The following TRPC5 variants were observed in gnomAD, a reference collection of about 807,000 sequenced individuals.
The protein encoded by TRPC5 is short transient receptor potential channel 5.
TRPC5 carries 9 observed loss-of-function variants against 56.5 expected under a neutral mutation model. That is an observed-to-expected ratio of 0.16 (90% CI 0.10 to 0.28). The LOEUF is 0.28. TRPC5 is among the 10% of genes least tolerant of loss of function. The pLI is 1.00. For missense variants in TRPC5, 469 were observed against 748.9 expected (o/e 0.63, Z 4.36); for synonymous variants, 282 against 278.5 (o/e 1.01, Z -0.13).
intron 3 of TRPC5, among the ~76,000 whole-genome samples, chrX:111,855,873 GGA>G (rs928331948): frequency 8.9e-6 from 1 of 112,081 alleles, no homozygotes; most frequent in Non-Finnish European, 1.9e-5. Flanking sequence ...AAGCACAAAA[GGA>G]GAGTTATACA....
At chrX:111,956,740 G>T (rs1927245914) in intron 1 of TRPC5, among the ~76,000 whole-genome samples, 1 of 111,281 alleles carries the variant, frequency 9.0e-6, no homozygotes, top group East Asian at 2.8e-4. Context: ...TGAACCTCCT[G>T]CAAAGAACTC....
intron 1 of TRPC5, among the ~76,000 whole-genome samples, chrX:111,954,846 G>T (rs1469603370): frequency 9.0e-6 from 1 of 111,553 alleles, no homozygotes. Context: ...TAACTCAATC[G>T]GTGTCCTATT....
At chrX:111,787,059 A>G (rs898272007) in intron 7 of TRPC5, among the ~76,000 whole-genome samples, 15 of 111,940 alleles carry the variant, frequency 1.3e-4, no homozygotes, top group Non-Finnish European at 3.8e-5. Flanking sequence ...AGGAGACCTA[A>G]TAGACATCTA....
At chrX:111,806,775 CGTTT>C (rs897086563) in intron 7 of TRPC5, among the ~76,000 whole-genome samples, 4 of 107,545 alleles carry the variant, frequency 3.7e-5, no homozygotes, top group African/African-American at 1.4e-4. Context: ...ATTTTTTTTT[CGTTT>C]GTTTATCTGG....
intron 3 of TRPC5, among the ~76,000 whole-genome samples, chrX:111,905,602 A>T (rs1021762628): frequency 1.8e-5 from 2 of 111,924 alleles, no homozygotes; most frequent in African/African-American, 6.5e-5. Flanking sequence ...TCACAATTTC[A>T]TCTTAAAGAC....
At chrX:111,840,820 A>G (rs1185463099) in intron 6 of TRPC5, among the ~76,000 whole-genome samples, 2 of 112,436 alleles carry the variant, frequency 1.8e-5, no homozygotes, top group African/African-American at 6.5e-5. Context: ...CAGCTATTCT[A>G]ATTGTTCATT....
chrX:111,992,725 C>T (rs368558578), intron 1 of TRPC5, among the ~76,000 whole-genome samples: 1 of 108,918 alleles, frequency 9.2e-6, no homozygotes, highest in East Asian at 2.9e-4. Context: ...GCCTCAGCCT[C>T]GTGAGTAGCT....
In TRPC5 at chrX:111,855,263, C is replaced by T. The variant is rs561213999; in HGVS notation, c.901-1157G>A. Among the ~76,000 whole-genome samples, 7 of 111,934 alleles carry T rather than the reference C, an allele frequency of 6.3e-5. No individual in the cohort carries two copies. The Middle Eastern group carries it at 0.014, about 222-fold the overall frequency. On this transcript the variant is annotated intron_variant, in intron 3 of 10. Transcript: ENST00000262839. ...TTGAGCACACAGCTGGACTACATTA[C>T]CCAGGCTCCCTTACAGTGAGGTGTG...
intron 7 of TRPC5, among the ~76,000 whole-genome samples, chrX:111,825,150 T>TTCCTTCCTTCCTTCCTTCCTTC (rs1569525904): frequency 5.1e-4 from 9 of 17,683 alleles, no homozygotes; most frequent in African/African-American, 9.3e-4. Flanking sequence ...TTCCTTCCTT[T>TTCCTTCCTTCCTTCCTTCCTTC]CTTTCTTTCT....
intron 1 of TRPC5, among the ~76,000 whole-genome samples, chrX:111,984,854 G>C (rs1928172307): frequency 8.9e-6 from 1 of 112,543 alleles, no homozygotes; most frequent in Non-Finnish European, 1.9e-5. Context: ...TACAGGGATG[G>C]AGAAAAAGAC....
intron 10 of TRPC5, among the ~76,000 whole-genome samples, chrX:111,777,438 CAG>C (rs889311654): frequency 3.9e-4 from 43 of 110,229 alleles, no homozygotes; most frequent in Non-Finnish European, 3.2e-4. Context: ...TGTTTTGAGA[CAG>C]GGGGCCCTGT....
chrX:111,963,481 T>A (rs187238509), intron 1 of TRPC5, among the ~76,000 whole-genome samples: 7 of 111,939 alleles, frequency 6.3e-5, no homozygotes, highest in African/African-American at 1.9e-4. Flanking sequence ...GAGTAGTGGT[T>A]CTCCCAGCAC....
intron 1 of TRPC5, among the ~76,000 whole-genome samples, chrX:111,968,995 TA>T (rs1569528883): frequency 1.0e-5 from 1 of 98,572 alleles, no homozygotes; most frequent in Non-Finnish European, 2.1e-5. Flanking sequence ...TAAAATAAAA[TA>T]AAATAAAATA....
At chrX:111,916,841 T>C (rs1194330560) in intron 2 of TRPC5, among the ~76,000 whole-genome samples, 4 of 112,746 alleles carry the variant, frequency 3.5e-5, no homozygotes, top group African/African-American at 1.3e-4. Flanking sequence ...AAAATACATA[T>C]GTGAAACAAA....
chrX:111,822,316 A>G (rs1291088765), intron 7 of TRPC5, among the ~76,000 whole-genome samples: 1 of 112,052 alleles, frequency 8.9e-6, no homozygotes, highest in Non-Finnish European at 1.9e-5. Flanking sequence ...TAAGCGACCT[A>G]TTCATAGCTC....
intron 1 of TRPC5, among the ~76,000 whole-genome samples, chrX:112,008,541 A>C (rs1384099004): frequency 9.2e-6 from 1 of 108,309 alleles, no homozygotes; most frequent in Non-Finnish European, 1.9e-5. Flanking sequence ...TGGAGCTTGC[A>C]GTGAGCCAAG....
chrX:111,997,018 T>C (rs950371546), intron 1 of TRPC5, among the ~76,000 whole-genome samples: 5 of 111,541 alleles, frequency 4.5e-5, no homozygotes, highest in Non-Finnish European at 7.5e-5. Flanking sequence ...AATATTATTA[T>C]GTGTGAATTT....
At chrX:111,901,389 C>T (rs1177697474) in intron 3 of TRPC5, among the ~76,000 whole-genome samples, 1 of 111,799 alleles carries the variant, frequency 8.9e-6, no homozygotes, top group Non-Finnish European at 1.9e-5. Flanking sequence ...AGTAGAGCCT[C>T]ACAAGGCCAG....
chrX:111,888,449 C>T (rs1272183113), intron 3 of TRPC5, among the ~76,000 whole-genome samples: 2 of 100,734 alleles, frequency 2.0e-5, no homozygotes, highest in Admixed American at 1.1e-4. Flanking sequence ...CCGAGGCGGG[C>T]GGATCACGAG....
Sources: gnomAD v4.1 joint callset for allele counts (sites outside exome capture counted in the v4.1 genomes callset) on GRCh38, gnomAD v4.1.1 for gene constraint, MANE v1.5 for transcripts, NCBI Gene and HGNC (gene_info 2026-07-23, HGNC 2026-07-21) for gene names.